IFFO2: variants seen among roughly 807,000 people sequenced by gnomAD.
IFFO2 encodes intermediate filament family orphan 2.
In IFFO2, 19 loss-of-function variants were observed where a neutral mutation model predicts 53.5. The observed-to-expected ratio is 0.36, with a 90% CI of 0.25 to 0.52. The LOEUF (loss-of-function observed/expected upper bound fraction) is 0.52. Among genes scored for constraint, IFFO2 ranks in the 20% least tolerant of loss-of-function variants. IFFO2 has a pLI of 0.94. For missense variants in IFFO2, 570 were observed against 727.4 expected, an observed-to-expected ratio of 0.78 and a Z score of 2.49; for synonymous variants, 303 against 313.6, an observed-to-expected ratio of 0.97 and a Z score of 0.36.
At chr1:18,949,106 C>T (rs1337448313) in intron 1 of IFFO2, among the ~76,000 whole-genome samples, 1 of 152,234 alleles carries the variant, frequency 6.6e-6, no homozygotes, top group East Asian at 1.9e-4. Context: ...AGTGCAGGCC[C>T]TCCCCTCCAC....
At chr1:18,945,024 C>T (rs1557649469) in intron 1 of IFFO2, among the ~76,000 whole-genome samples, 2 of 152,202 alleles carry the variant, frequency 1.3e-5, no homozygotes, top group Non-Finnish European at 2.9e-5. Flanking sequence ...AGGAGCAGCT[C>T]CACACTGTTC....
chr1:18,955,768 C>T lies in IFFO2; in HGVS notation c.565G>A (p.Asp189Asn), dbSNP rs1287122492. 1.3e-6 allele frequency: 2 copies of T among 1,560,690 alleles called. No individual in the cohort carries two copies. The highest frequency in any genetic ancestry group is 1.2e-5 in the South Asian group (1 of 85,702). Residue 189 changes from aspartate to asparagine, a missense_variant, in exon 1 of 9, where the codon GAC becomes AAC. By Grantham distance (23) the Asp-to-Asn change is conservative (BLOSUM62 1). Transcript: ENST00000455833. ...QGPGVSWVHP[D>N]GVGVQIDTIT... ...GTGTCGATCTGCACGCCCACGCCGT[C>T]GGGGTGCACCCACGACACGCCGGGG...
chr1:18,952,619 G>A (rs992458699), intron 1 of IFFO2, among the ~76,000 whole-genome samples: 2 of 152,196 alleles, frequency 1.3e-5, no homozygotes, highest in Admixed American at 1.3e-4. Context: ...ACTGCAGAGT[G>A]TATGTTTCTA....
rs1355857303 is a variant in IFFO2, at chr1:18,916,662, G to C, written c.1103+241C>G. Among the ~76,000 whole-genome samples the C allele has an allele frequency of 6.6e-6, 1 of 152,134 alleles. No individual in the cohort carries two copies. The highest frequency in any genetic ancestry group is 1.5e-5 in the Non-Finnish European group (1 of 68,036). On this transcript the variant is annotated intron_variant, in intron 5 of 8. Transcript: ENST00000455833. This position sits in a 1 kb window ranked among gnomAD's most constrained non-coding sequence, Gnocchi z 4.3. ...CATGCCTGTGCTCCCAACTACTTGG[G>C]AGGCTGAGATGAAAGGATCCCTAAA...
chr1:18,947,537 C>A lies in IFFO2; in HGVS notation c.665+8131G>T, dbSNP rs1424496297. The stretch of plus-strand genomic sequence containing the variant: ...GATCTGGAGCCTGACTTCCAAGTTA[C>A]TTCTCCTCTCTGAGCCTCGGTTTCC... On this transcript the variant is annotated intron_variant, in intron 1 of 8. Coordinates refer to ENST00000455833, the MANE Select transcript of IFFO2 (RefSeq NM_001136265.2). The surrounding 1 kb of genome is among the most constrained non-coding windows in gnomAD (Gnocchi z 5.0). 6.6e-6 allele frequency among the ~76,000 whole-genome samples: 1 copy of A among 152,180 alleles called. No individual in the cohort carries two copies. The highest frequency in any genetic ancestry group is 1.5e-5 in the Non-Finnish European group (1 of 68,042).
intron 1 of IFFO2, among the ~76,000 whole-genome samples, chr1:18,931,841 C>T (rs184260079): frequency 4.2e-4 from 64 of 152,354 alleles, no homozygotes; most frequent in African/African-American, 1.5e-3. Flanking sequence ...TCCCTGCCCA[C>T]ACCCCCAGCA....
chr1:18,920,919 T>C (rs1248616329), intron 2 of IFFO2, 142 bp downstream of exon 2: 1 of 702,062 alleles, frequency 1.4e-6, no homozygotes, highest in African/African-American at 1.8e-5. Context: ...CTTGGCTCCA[T>C]AAAGGAGAGA....
rs1935952811 is a variant in IFFO2 at position 18,906,656 on chromosome 1, T to C, written c.*1905A>G. The C allele has an allele frequency of 1.3e-5, 2 of 152,308 alleles. No individual in the cohort carries two copies. Among genetic ancestry groups the C allele is most frequent in the South Asian group, 4.1e-4 (2 of 4,830 alleles). The allele number at this position is 152,308 out of a possible 1,614,324, so 9.4% of individuals were successfully genotyped here. A position where few individuals can be genotyped will look rare whatever the true frequency, so the allele number is the denominator to read the frequency against. On this transcript the variant is annotated 3_prime_UTR_variant, in exon 9 of 9. Coordinates refer to ENST00000455833, the MANE Select transcript of IFFO2 (RefSeq NM_001136265.2). ...TCAGGTATGTTTGAACCCTGTAACC[T>C]TTAGAACAAGGGTGAGTGAGGAGAG...
chr1:18,934,093 G>A (rs1480743993), intron 1 of IFFO2, among the ~76,000 whole-genome samples: 16 of 92,686 alleles, frequency 1.7e-4, no homozygotes, highest in African/African-American at 6.4e-4. Flanking sequence ...TTGAGACAGC[G>A]TCTCACTCTG....
intron 1 of IFFO2, among the ~76,000 whole-genome samples, chr1:18,950,239 G>C (rs1234447241): frequency 6.6e-6 from 1 of 152,208 alleles, no homozygotes; most frequent in Non-Finnish European, 1.5e-5. Context: ...CACCATCTCT[G>C]GCGCCTCCAT....
rs760814726 is a variant in IFFO2 at position 18,911,966 on chromosome 1, G to A, written c.1221C>T (p.Gly407=). ...GGAAGCCAGGCGCTGGGCTTACCTCGCCCTGCAGGTCGATGGTCGGATTGC... is the reference window on the plus strand; with the variant it reads ...GGAAGCCAGGCGCTGGGCTTACCTCACCCTGCAGGTCGATGGTCGGATTGC... ...TNCNPTIDLQ[G]EQEENLGNLI... is the part of the protein sequence containing the mutation. Residue 407 remains glycine, a synonymous_variant, in exon 6 of 9, where the codon GGC becomes GGT. Coordinates refer to ENST00000455833, the MANE Select transcript of IFFO2 (RefSeq NM_001136265.2). 41 of 1,551,512 alleles carry A rather than the reference G, an allele frequency of 2.6e-5. No homozygotes were observed. The highest frequency in any genetic ancestry group is 7.3e-5 in the East Asian group (3 of 40,926).
chr1:18,913,912 G>T (rs1049721279), intron 5 of IFFO2, among the ~76,000 whole-genome samples: 1 of 152,016 alleles, frequency 6.6e-6, no homozygotes, highest in Non-Finnish European at 1.5e-5. Context: ...CTCACTGCAG[G>T]CTCCGCCCCC....
At chr1:18,952,813 A>C (rs1451965576) in intron 1 of IFFO2, among the ~76,000 whole-genome samples, 2 of 152,212 alleles carry the variant, frequency 1.3e-5, no homozygotes, top group Non-Finnish European at 2.9e-5. Context: ...ACTCATCTTG[A>C]CTTGTACACT....
At chr1:18,931,973 G>A (rs979368716) in intron 1 of IFFO2, among the ~76,000 whole-genome samples, 4 of 152,204 alleles carry the variant, frequency 2.6e-5, no homozygotes, top group Non-Finnish European at 4.4e-5. Context: ...ATTTCTCAGC[G>A]CCAGAGAACC....
chr1:18,919,332 C>T lies in IFFO2; in HGVS notation c.822+346G>A, dbSNP rs530121017. On this transcript the variant is annotated intron_variant, in intron 3 of 8. Transcript: ENST00000455833. The surrounding 1 kb of genome is among the most constrained non-coding windows in gnomAD (Gnocchi z 4.9). ...ACGGCACCTGGCCCAACCTGCCAGA[C>T]GCCCTGCTACGCCCAGACACCGAGG... Among the ~76,000 whole-genome samples, 23 of 152,336 alleles carry T rather than the reference C, an allele frequency of 1.5e-4. No homozygotes were observed. In the East Asian group the frequency reaches 2.3e-3, roughly 15 times the overall value.
intron 1 of IFFO2, among the ~76,000 whole-genome samples, chr1:18,929,626 C>T (rs1936346392): frequency 6.7e-6 from 1 of 149,332 alleles, no homozygotes; most frequent in South Asian, 2.2e-4. Flanking sequence ...CTTTGCAGGG[C>T]AGCTAGCTGG....
intron 1 of IFFO2, among the ~76,000 whole-genome samples, chr1:18,931,764 T>C (rs1223373936): frequency 6.6e-6 from 1 of 152,356 alleles, no homozygotes; most frequent in South Asian, 2.1e-4. Flanking sequence ...TCCAGGTCCA[T>C]ATGGCTCCCA....
At chr1:18,954,782 G>A (rs1936702789) in intron 1 of IFFO2, among the ~76,000 whole-genome samples, 2 of 152,356 alleles carry the variant, frequency 1.3e-5, no homozygotes, top group South Asian at 4.1e-4. Flanking sequence ...AGGCAGGAAT[G>A]CACTGGCCAG....
rs1287291242 is a variant in IFFO2, at chr1:18,919,329, A to G, written c.822+349T>C. Among the ~76,000 whole-genome samples the G allele has an allele frequency of 6.6e-6, 1 of 152,216 alleles. No homozygotes were observed. Among genetic ancestry groups the G allele is most frequent in the Non-Finnish European group, 1.5e-5 (1 of 68,034 alleles). On this transcript the variant is annotated intron_variant, in intron 3 of 8. Transcript: ENST00000455833. This position sits in a 1 kb window ranked among gnomAD's most constrained non-coding sequence, Gnocchi z 4.9. ...CAGACGGCACCTGGCCCAACCTGCC[A>G]GACGCCCTGCTACGCCCAGACACCG...
Sources: gnomAD v4.1 joint callset for allele counts (sites outside exome capture counted in the v4.1 genomes callset) on GRCh38, gnomAD v4.1.1 for gene constraint, Gnocchi (gnomAD v3.1) non-coding constraint, MANE v1.5 for transcripts, NCBI Gene and HGNC (gene_info 2026-07-23, HGNC 2026-07-21) for gene names.